Variants in NCOA1 observed in about 807,000 individuals in gnomAD.
NCOA1 encodes Hin-2 protein.
A neutral mutation model predicts 150.9 loss-of-function variants in NCOA1; 35 were observed. The ratio of observed to expected loss-of-function variants is 0.23; its 90% CI spans 0.18 to 0.31. The LOEUF (loss-of-function observed/expected upper bound fraction) is 0.31. NCOA1 is among the 10% of genes least tolerant of loss of function. NCOA1 has a pLI of 1.00. For missense variants in NCOA1, 1,491 were observed against 1,749.3 expected, an observed-to-expected ratio of 0.85 and a Z score of 2.63; for synonymous variants, 590 against 630.0, an observed-to-expected ratio of 0.94 and a Z score of 0.95.
chr2:24,631,527 G>A (rs1439960), intron 3 of NCOA1, among the ~76,000 whole-genome samples: 6,588 of 152,154 alleles, frequency 0.043, 240 homozygotes, highest in East Asian at 0.19. Context: ...TGTAAATACT[G>A]TACTCTAGTT....
chr2:24,733,396 CAT>C (rs1241747220), intron 17 of NCOA1, among the ~76,000 whole-genome samples: 2 of 152,068 alleles, frequency 1.3e-5, no homozygotes, highest in African/African-American at 2.4e-5. Flanking sequence ...AAAAAGCAAA[CAT>C]GAGAAAGAAA....
chr2:24,699,695 C>G (rs1309235339), intron 11 of NCOA1, among the ~76,000 whole-genome samples: 1 of 152,098 alleles, frequency 6.6e-6, no homozygotes, highest in Non-Finnish European at 1.5e-5. Flanking sequence ...TTGAGCACAG[C>G]CTTTTTTGAT....
intron 19 of NCOA1, among the ~76,000 whole-genome samples, chr2:24,745,255 G>A (rs573856795): frequency 1.2e-3 from 184 of 149,110 alleles, no homozygotes; most frequent in South Asian, 6.2e-3. Context: ...TCCACCTCCC[G>A]GGTTCACGCC....
At chr2:24,736,897 C>A (rs766457097) in intron 17 of NCOA1, among the ~76,000 whole-genome samples, 86 of 152,128 alleles carry the variant, frequency 5.7e-4, no homozygotes, top group Non-Finnish European at 7.5e-4. Context: ...GCTAGATAAT[C>A]ATCTTTTAGG....
intron 19 of NCOA1, among the ~76,000 whole-genome samples, chr2:24,747,928 G>GA (rs1368238416): frequency 2.0e-5 from 3 of 151,834 alleles, no homozygotes; most frequent in Admixed American, 2.0e-4. Flanking sequence ...CCAACATGGA[G>GA]AAACCCTGTC....
intron 14 of NCOA1, among the ~76,000 whole-genome samples, chr2:24,716,452 G>C (rs1031255107): frequency 6.6e-6 from 1 of 152,012 alleles, no homozygotes; most frequent in Admixed American, 6.6e-5. Context: ...ATTAAACAAA[G>C]AATAGTCATT....
intron 1 of NCOA1, among the ~76,000 whole-genome samples, chr2:24,499,525 A>G (rs2148070787): frequency 6.6e-6 from 1 of 151,040 alleles, no homozygotes; most frequent in South Asian, 2.1e-4. Context: ...ATTTCATACC[A>G]TTGACTTTTT....
chr2:24,611,448 T>C (rs113999668), intron 3 of NCOA1, among the ~76,000 whole-genome samples: 1 of 152,330 alleles, frequency 6.6e-6, no homozygotes, highest in Non-Finnish European at 1.5e-5. Flanking sequence ...TTATATTCTT[T>C]TGGATATGTA....
intron 1 of NCOA1, among the ~76,000 whole-genome samples, chr2:24,555,483 A>C (rs903121101): frequency 9.9e-5 from 15 of 152,156 alleles, no homozygotes; most frequent in African/African-American, 1.4e-4. Context: ...GTTAGTTGGT[A>C]ATGTTTTCAG....
At position 24,585,605 on chromosome 2, in the gene NCOA1, G is replaced by T. The variant is rs184447090; in HGVS notation, c.-175+1045G>T. Among the ~76,000 whole-genome samples, 5 of 151,476 alleles carry T rather than the reference G, an allele frequency of 3.3e-5. No homozygotes were observed. In the East Asian group the frequency reaches 7.7e-4, roughly 23 times the overall value. On this transcript the variant is annotated intron_variant, in intron 3 of 22. Coordinates refer to ENST00000348332, the MANE Select transcript of NCOA1 (RefSeq NM_003743.5). ...TATGTTTATTGGCTATTGGTCTTTC[G>T]TCTTCTTTAAATATTTTTAAGTATT...
At chr2:24,753,446 G>C (rs1237819598) in intron 20 of NCOA1, among the ~76,000 whole-genome samples, 2 of 151,450 alleles carry the variant, frequency 1.3e-5, no homozygotes, top group African/African-American at 4.9e-5. Context: ...TTCCTTAAAA[G>C]ATTATACTCT....
At chr2:24,554,779 G>T (rs1666003401) in intron 1 of NCOA1, among the ~76,000 whole-genome samples, 1 of 152,114 alleles carries the variant, frequency 6.6e-6, no homozygotes, top group Non-Finnish European at 1.5e-5. Context: ...TTTAAGAATG[G>T]CAACCATGCT....
intron 1 of NCOA1, among the ~76,000 whole-genome samples, chr2:24,559,996 G>A (rs986966282): frequency 7.9e-5 from 12 of 152,048 alleles, no homozygotes; most frequent in African/African-American, 2.9e-4. Flanking sequence ...GAACAGTTGG[G>A]GAATCAGGCT....
In NCOA1 at chr2:24,707,311, A is replaced by G. The variant is rs367710617; in HGVS notation, c.1841A>G (p.His614Arg). ...AAACCTCTGGATTCAGGGCTTCTGCATAACAATGACAGACTTTCAGATGGA... is the reference window on the plus strand; with the variant it reads ...AAACCTCTGGATTCAGGGCTTCTGCGTAACAATGACAGACTTTCAGATGGA... Reference protein sequence around the residue: ...DGKPLDSGLLHNNDRLSDGDS... With the variant: ...DGKPLDSGLLRNNDRLSDGDS... Residue 614 changes from histidine to arginine, a missense_variant, in exon 13 of 23, where the codon CAT becomes CGT. By Grantham distance (29) the His-to-Arg change is conservative. This residue lies in a region of NCOA1 where 703 missense variants were observed against 717.7 expected (regional missense o/e 0.98). Transcript: ENST00000348332. 3 of 1,614,254 alleles carry G rather than the reference A, an allele frequency of 1.9e-6. No individual in the cohort carries two copies. The highest frequency in any genetic ancestry group is 1.7e-5 in the Admixed American group (1 of 60,030).
intron 3 of NCOA1, among the ~76,000 whole-genome samples, chr2:24,592,455 G>T (rs780413473): frequency 3.9e-5 from 6 of 152,090 alleles, no homozygotes; most frequent in Non-Finnish European, 7.4e-5. Context: ...CACCTTGACG[G>T]CTCATAGAGA....
At chr2:24,515,004 G>A (rs965578703) in intron 1 of NCOA1, among the ~76,000 whole-genome samples, 1 of 152,192 alleles carries the variant, frequency 6.6e-6, no homozygotes, top group Non-Finnish European at 1.5e-5. Flanking sequence ...AGCCAGAAGA[G>A]TGCTTATCAA....
chr2:24,511,019 G>A (rs748318522), intron 1 of NCOA1, among the ~76,000 whole-genome samples: 1 of 152,078 alleles, frequency 6.6e-6, no homozygotes, highest in Non-Finnish European at 1.5e-5. Flanking sequence ...CCCTTCCTCA[G>A]CCACAGGCAC....
intron 20 of NCOA1, among the ~76,000 whole-genome samples, chr2:24,756,154 T>C (rs866729897): frequency 6.6e-6 from 1 of 151,678 alleles, no homozygotes; most frequent in African/African-American, 2.4e-5. Flanking sequence ...CTCGGGAGGC[T>C]GAGGCAGGAG....
chr2:24,614,389 T>C (rs1255653978), intron 3 of NCOA1, among the ~76,000 whole-genome samples: 2 of 151,078 alleles, frequency 1.3e-5, no homozygotes, highest in East Asian at 3.9e-4. Flanking sequence ...GGCTACTTTT[T>C]TGTTTTTGTT....
Sources: allele counts gnomAD v4.1 joint callset (sites outside exome capture counted in the v4.1 genomes callset), GRCh38; gene constraint gnomAD v4.1.1; regional missense constraint gnomAD v4.1.1; transcripts MANE v1.5; gene names NCBI Gene and HGNC (gene_info 2026-07-23, HGNC 2026-07-21).